PANK4: variants seen among roughly 807,000 people sequenced by gnomAD.
The protein encoded by PANK4 is pantothenate kinase 4 (inactive).
In PANK4, 40 loss-of-function variants were observed where a neutral mutation model predicts 87.9. That is an observed-to-expected ratio of 0.46 (90% CI 0.35 to 0.59). PANK4 has a LOEUF of 0.59. PANK4 is among the 20% of genes least tolerant of loss of function. The pLI is 0.00. For synonymous variants in PANK4, 524 were observed against 467.4 expected (o/e 1.12, Z -1.56); for missense variants, 926 against 1,072.3 (o/e 0.86, Z 1.90).
intron 10 of PANK4, 25 bp from the exon 11 acceptor site, chr1:2,514,491 T>C: frequency 6.4e-7 from 1 of 1,559,194 alleles, no homozygotes; most frequent in Non-Finnish European, 8.7e-7. Context: ...AGGAGGGGGT[T>C]AGTCAAGCGC....
rs1198034104 is a variant in PANK4 at position 2,519,742 on chromosome 1, G to C, written c.853+59C>G. 6.8e-6 allele frequency: 10 copies of C among 1,472,132 alleles called. No individual in the cohort carries two copies. Among genetic ancestry groups the C allele is most frequent in the Non-Finnish European group, 9.1e-6 (10 of 1,102,540 alleles). 91.2% of individuals were successfully genotyped at this position (1,472,132 alleles called of 1,614,324 possible). On this transcript the variant is annotated intron_variant, in intron 6 of 18. Coordinates refer to ENST00000378466, the MANE Select transcript of PANK4 (RefSeq NM_018216.4). The surrounding 1 kb of genome is among the most constrained non-coding windows in gnomAD (Gnocchi z 8.3). ...GCAATGGTGGGGGAAGCTCCTGTCC[G>C]TGAGACCCCAAGTGTCCCCACCATC...
At chr1:2,524,746 G>A (rs1643905683) in intron 1 of PANK4, among the ~76,000 whole-genome samples, 1 of 152,238 alleles carries the variant, frequency 6.6e-6, no homozygotes, top group South Asian at 2.1e-4. Flanking sequence ...AACTGCAATT[G>A]CATTTCAGAA....
chr1:2,520,047 G>T lies in PANK4; in HGVS notation c.700-93C>A. 3 of 1,252,506 alleles carry T rather than the reference G, an allele frequency of 2.4e-6. No individual in the cohort carries two copies. In the Admixed American group the frequency reaches 7.6e-5, roughly 32 times the overall value. The allele number at this position is 1,252,506 out of a possible 1,614,324, so 77.6% of individuals were successfully genotyped here. A position where few individuals can be genotyped will look rare whatever the true frequency, so the allele number is the denominator to read the frequency against. On this transcript the variant is annotated intron_variant, in intron 5 of 18. Coordinates refer to ENST00000378466, the MANE Select transcript of PANK4 (RefSeq NM_018216.4). This position sits in a 1 kb window ranked among gnomAD's most constrained non-coding sequence, Gnocchi z 6.2. ...CAAGCCCATGGCAGGAGGCACGCGC[G>T]GGCAGGGGGTAAATGGGCCCTCATC...
chr1:2,513,472 C>T (rs1473297448), intron 12 of PANK4, among the ~76,000 whole-genome samples: 1 of 152,244 alleles, frequency 6.6e-6, no homozygotes, highest in Non-Finnish European at 1.5e-5. Context: ...CAGAAAGGGC[C>T]AAGGAGGGCT....
rs201245931 is a variant in PANK4, at chr1:2,508,864, C to T, written c.2305G>A (p.Glu769Lys). The T allele has an allele frequency of 6.3e-6, 10 of 1,598,528 alleles. No homozygotes were observed. The highest frequency in any genetic ancestry group is 2.3e-5 in the East Asian group (1 of 44,368). ...GRLFSVIFKYEVPAE is the reference protein window; with the variant it reads ...GRLFSVIFKYKVPAE ...GCAGCGCCTCACTCGGCTGGGACCT[C>T]GTACTTGAAGATGACGCTGAAGAGC... Residue 769 changes from glutamate to lysine, a missense_variant, in exon 19 of 19, where the codon GAG becomes AAG. Transcript: ENST00000378466. The surrounding 1 kb of genome is among the most constrained non-coding windows in gnomAD (Gnocchi z 5.1).
chr1:2,516,083 C>T (rs1643768751), intron 9 of PANK4: 2 of 336,456 alleles, frequency 5.9e-6, no homozygotes, highest in Non-Finnish European at 1.1e-5. Context: ...TGCAGTCACC[C>T]CTCCCTGTCA....
At chr1:2,514,511 T>G (rs949521395) in intron 10 of PANK4, 45 bp from the exon 11 acceptor site, 3 of 1,256,984 alleles carry the variant, frequency 2.4e-6, no homozygotes, top group Middle Eastern at 5.2e-4. Context: ...CTGGCCCTGC[T>G]GCTTGCGAAT....
In PANK4 at chr1:2,514,399, CG is replaced by C; in HGVS notation, c.1441del (p.Arg481GlyfsTer11). 1 of 1,612,406 alleles carries C rather than the reference CG, an allele frequency of 6.2e-7. No individual in the cohort carries two copies. The highest frequency in any genetic ancestry group is 8.5e-7 in the Non-Finnish European group (1 of 1,179,882). ...VDAAERAEKF[R>X]QKYWNKLQTL... ...CTGAAGCTTGTTCCAGTACTTCTGC[CG>C]GAACTTCTCCGCCCTCTCGGCTGCA... On this transcript the variant is annotated frameshift_variant, in exon 11 of 19. Transcript: ENST00000378466. LOFTEE classifies it high-confidence loss of function.
chr1:2,519,362 C>T lies in PANK4; in HGVS notation c.854-38G>A, dbSNP rs1643844275. 2 of 1,505,928 alleles carry T rather than the reference C, an allele frequency of 1.3e-6. No individual in the cohort carries two copies. Among genetic ancestry groups the T allele is most frequent in the Admixed American group, 1.8e-5 (1 of 55,574 alleles). 93.3% of individuals were successfully genotyped at this position (1,505,928 alleles called of 1,614,324 possible). On this transcript the variant is annotated intron_variant, in intron 6 of 18. Transcript: ENST00000378466. This position sits in a 1 kb window ranked among gnomAD's most constrained non-coding sequence, Gnocchi z 8.3. ...AGGAAAAGGCACTCATCTCCAAGTA[C>T]AGCAAGTGCACGACATGAGAGCGAG...
In PANK4 at chr1:2,510,893, A is replaced by G. The variant is rs1312884308; in HGVS notation, c.1834-111T>C. 8.7e-6 allele frequency: 6 copies of G among 687,292 alleles called. No homozygotes were observed. Among genetic ancestry groups the G allele is most frequent in the Non-Finnish European group, 1.6e-5 (6 of 384,658 alleles). The allele number at this position is 687,292 out of a possible 1,614,324, so 42.6% of individuals were successfully genotyped here. ...TGCAGGGGCCGAGACTGGGGGCTTC[A>G]GGGCCCCAGAGATGCCAGGGATGGG... On this transcript the variant is annotated intron_variant, in intron 15 of 18. Coordinates refer to ENST00000378466, the MANE Select transcript of PANK4 (RefSeq NM_018216.4). This position sits in a 1 kb window ranked among gnomAD's most constrained non-coding sequence, Gnocchi z 4.9.
At chr1:2,511,121 C>T (rs2100770631) in intron 15 of PANK4, among the ~76,000 whole-genome samples, 1 of 152,322 alleles carries the variant, frequency 6.6e-6, no homozygotes, top group African/African-American at 2.4e-5. Context: ...TCTCTTCTGG[C>T]AAGGCTTTGT....
Position 2,509,129 on chromosome 1 carries a change from C to A in PANK4, c.2109-69G>T. ...AGACCCCACTTCCCATACAGTGCGGCGACCAACGTGAAGGCTGAAACCCCT... is the reference window on the plus strand; with the variant it reads ...AGACCCCACTTCCCATACAGTGCGGAGACCAACGTGAAGGCTGAAACCCCT... On this transcript the variant is annotated intron_variant, in intron 18 of 18. Transcript: ENST00000378466. This position sits in a 1 kb window ranked among gnomAD's most constrained non-coding sequence, Gnocchi z 4.9. 4 of 1,243,850 alleles carry A rather than the reference C, an allele frequency of 3.2e-6. No individual in the cohort carries two copies. The East Asian group carries it at 9.9e-5, about 31-fold the overall frequency. The allele number at this position is 1,243,850 out of a possible 1,614,324, so 77.1% of individuals were successfully genotyped here.
intron 13 of PANK4, 148 bp downstream of exon 13, chr1:2,512,740 C>T: frequency 1.3e-6 from 1 of 748,550 alleles, no homozygotes; most frequent in South Asian, 1.7e-5. Flanking sequence ...CTGCCATGTG[C>T]ACTCCCTGGG....
At position 2,526,528 on chromosome 1, in the gene PANK4, G is replaced by T. The variant is rs1643927015; in HGVS notation, c.60C>A (p.Ile20=). 1 of 1,591,480 alleles carries T rather than the reference G, an allele frequency of 6.3e-7. No individual in the cohort carries two copies. The highest frequency in any genetic ancestry group is 8.5e-7 in the Non-Finnish European group (1 of 1,170,402). The part of the protein sequence containing the change: ...GSSGDSLDKS[I]TLPPDEIFRN... ...GGAAGATCTCGTCGGGGGGCAGCGT[G>T]ATGCTCTTGTCCAGACTGTCCCCGC... Residue 20 remains isoleucine, a synonymous_variant, in exon 1 of 19, where the codon ATC becomes ATA. Transcript: ENST00000378466.
At position 2,521,180 on chromosome 1, in the gene PANK4, T is replaced by C; in HGVS notation, c.343A>G (p.Thr115Ala). 6.2e-7 allele frequency: 1 copy of C among 1,613,976 alleles called. No individual in the cohort carries two copies. The highest frequency in any genetic ancestry group is 1.3e-5 in the African/African-American group (1 of 75,056). The change falls in exon 3 of 19, where the codon ACA becomes GCA. Residue 115 changes from threonine (T) to alanine (A), a missense_variant. Physicochemically the swap from Thr to Ala is moderately conservative, Grantham distance 58 (BLOSUM62 0). Coordinates refer to ENST00000378466, the MANE Select transcript of PANK4 (RefSeq NM_018216.4). ...GTCGCCTGGATGACCTTGGTCTCTG[T>C]GTTGACGAGATGGTCTTTGATGAAG... The part of the protein sequence containing the change: ...LDFIKDHLVN[T>A]ETKVIQATGG...
chr1:2,510,332 C>T lies in PANK4; in HGVS notation c.1939-175G>A. 2 of 625,268 alleles carry T rather than the reference C, an allele frequency of 3.2e-6. No individual in the cohort carries two copies. Among genetic ancestry groups the T allele is most frequent in the East Asian group, 2.7e-5 (1 of 36,512 alleles). The allele number at this position is 625,268 out of a possible 1,614,324, so 38.7% of individuals were successfully genotyped here. ...GCCTGACCTTGCCACTCTGTGGCCC[C>T]TGGGAGGGAGCTGAGCCGAGGGGCA... On this transcript the variant is annotated intron_variant, in intron 16 of 18. Transcript: ENST00000378466. The surrounding 1 kb of genome is among the most constrained non-coding windows in gnomAD (Gnocchi z 4.9).
rs774813388 is a variant in PANK4, at chr1:2,519,173, G to A, written c.1005C>T (p.Thr335=). The A allele has an allele frequency of 9.3e-6, 15 of 1,612,564 alleles. No individual in the cohort carries two copies. The highest frequency in any genetic ancestry group is 1.3e-5 in the African/African-American group (1 of 74,916). The change falls in exon 7 of 19, where the codon ACC becomes ACT. Residue 335 remains threonine (T), a synonymous_variant. Coordinates refer to ENST00000378466, the MANE Select transcript of PANK4 (RefSeq NM_018216.4). This position sits in a 1 kb window ranked among gnomAD's most constrained non-coding sequence, Gnocchi z 8.3. ...FIRGHPVTMR[T]ITYSINFFSK... is the part of the protein sequence containing the mutation. ...AGAAGAAGTTGATGCTATAGGTGAT[G>A]GTGCGCATGGTCACGGGGTGGCCCC...
rs770514457 is a variant in PANK4, at chr1:2,519,285, A to G, written c.893T>C (p.Met298Thr). 6.8e-6 allele frequency: 11 copies of G among 1,611,890 alleles called. No individual in the cohort carries two copies. Among genetic ancestry groups the G allele is most frequent in the Non-Finnish European group, 7.6e-6 (9 of 1,179,350 alleles). ...CAGCTGCCCAATGTCGTTGCTGATC[A>G]TGTGCAGCAGGCTCTTCGCCATGTC... ...KEDMAKSLLH[M>T]ISNDIGQLAC... The change falls in exon 7 of 19, where the codon ATG (methionine) becomes ACG (threonine). Residue 298 changes from methionine to threonine, a missense_variant. Transcript: ENST00000378466. This position sits in a 1 kb window ranked among gnomAD's most constrained non-coding sequence, Gnocchi z 8.3.
rs1480588339 is a variant in PANK4 at position 2,515,198 on chromosome 1, TGA to T, written c.1374+362_1374+363del. The T allele has an allele frequency of 3.5e-5, 15 of 432,852 alleles. No homozygotes were observed. The highest frequency in any genetic ancestry group is 2.5e-4 in the South Asian group (14 of 56,064). The allele number at this position is 432,852 out of a possible 1,614,324, so 26.8% of individuals were successfully genotyped here. On this transcript the variant is annotated intron_variant, in intron 10 of 18. Transcript: ENST00000378466. The surrounding 1 kb of genome is among the most constrained non-coding windows in gnomAD (Gnocchi z 5.0). ...GGCCTCGCCGGGAGCTTGCTGGGGCTGAGTCTCACCCCACCCCCAGAGTCAGG... is the reference window on the plus strand; with the variant it reads ...GGCCTCGCCGGGAGCTTGCTGGGGCTGTCTCACCCCACCCCCAGAGTCAGG...
Sources: allele counts gnomAD v4.1 joint callset (sites outside exome capture counted in the v4.1 genomes callset), GRCh38; gene constraint gnomAD v4.1.1; non-coding constraint Gnocchi (gnomAD v3.1); transcripts MANE v1.5; gene names NCBI Gene and HGNC (gene_info 2026-07-23, HGNC 2026-07-21).